The following ATP11B variants were observed in gnomAD, a reference collection of about 807,000 sequenced individuals.
ATP11B encodes ATPase phospholipid transporting 11B (putative).
Under a neutral mutation model 157.8 loss-of-function variants are expected in ATP11B, and 81 were observed. The ratio of observed to expected loss-of-function variants is 0.51; its 90% confidence interval spans 0.43 to 0.62. The LOEUF (loss-of-function observed/expected upper bound fraction) is 0.62, where lower values mean the gene tolerates loss of function less well. Ranked by LOEUF, ATP11B falls within the 20% of genes least tolerant of loss-of-function variation. ATP11B has a pLI of 0.00. For missense variants in ATP11B, 1,165 were observed against 1,402.2 expected, an observed-to-expected ratio of 0.83 and a Z score of 2.70; for synonymous variants, 451 against 469.4, an observed-to-expected ratio of 0.96 and a Z score of 0.51.
At chr3:182,795,724 A>G (rs1244067269) in intron 1 of ATP11B, among the ~76,000 whole-genome samples, 6 of 152,234 alleles carry the variant, frequency 3.9e-5, no homozygotes, top group African/African-American at 1.4e-4. Flanking sequence ...CACATAAATT[A>G]AACATCAAGG....
intron 28 of ATP11B, among the ~76,000 whole-genome samples, chr3:182,911,856 G>A (rs1481254378): frequency 6.6e-6 from 1 of 152,202 alleles, no homozygotes; most frequent in East Asian, 1.9e-4. Context: ...CATAGTTGGA[G>A]AGGTGAGGGA....
chr3:182,848,631 A>T, intron 10 of ATP11B, 74 bp downstream of exon 10: 1 of 546,446 alleles, frequency 1.8e-6, no homozygotes, highest in Non-Finnish European at 2.6e-6. Flanking sequence ...ATAAAATATT[A>T]TATATATAAT....
chr3:182,802,002 A>G (rs1375501726), intron 1 of ATP11B, among the ~76,000 whole-genome samples: 4 of 152,216 alleles, frequency 2.6e-5, no homozygotes, highest in Non-Finnish European at 4.4e-5. Flanking sequence ...ACATGAATCA[A>G]AAAATGCTTT....
At chr3:182,879,744 T>G in intron 20 of ATP11B, 95 bp downstream of exon 20, 1 of 1,153,474 alleles carries the variant, frequency 8.7e-7, no homozygotes, top group African/African-American at 1.6e-5. Flanking sequence ...TTTGGTGATG[T>G]GCAATATATA....
At chr3:182,909,884 T>A (rs1724648092) in intron 28 of ATP11B, among the ~76,000 whole-genome samples, 1 of 151,698 alleles carries the variant, frequency 6.6e-6, no homozygotes, top group Admixed American at 6.6e-5. Flanking sequence ...GGCAACATGG[T>A]GAAACTTCAT....
chr3:182,872,405 A>T lies in ATP11B; in HGVS notation c.1916A>T (p.Glu639Val), dbSNP rs747752279. The stretch of plus-strand genomic sequence containing the variant: ...GCATATAGAAAATTTACATCAAAAG[A>T]GTATGAGGAAATAGATAAACGCATA... ...CIAYRKFTSK[E>V]YEEIDKRIFE... Residue 639 changes from glutamate to valine, a missense_variant, in exon 18 of 30, where the codon GAG (glutamate) becomes GTG (valine). This residue lies in a region of ATP11B where 737 missense variants were observed against 930.5 expected (regional missense o/e 0.79). Transcript: ENST00000323116. 1.2e-6 allele frequency: 2 copies of T among 1,613,924 alleles called. No individual in the cohort carries two copies. Among genetic ancestry groups the T allele is most frequent in the East Asian group, 2.2e-5 (1 of 44,876 alleles).
chr3:182,828,245 T>C (rs748380677), intron 3 of ATP11B, 36 bp downstream of exon 3: 2 of 1,008,974 alleles, frequency 2.0e-6, no homozygotes, highest in African/African-American at 1.7e-5. Context: ...TTTGTAAACA[T>C]AGTTTCTAAA....
At chr3:182,914,582 T>G (rs1398609456) in intron 29 of ATP11B, 1 of 985,174 alleles carries the variant, frequency 1.0e-6, no homozygotes, top group East Asian at 1.1e-4. Flanking sequence ...ATTTATTGCC[T>G]AATTAAAAGT....
intron 11 of ATP11B, among the ~76,000 whole-genome samples, chr3:182,858,429 GAAGT>G (rs1560092198): frequency 6.6e-6 from 1 of 152,146 alleles, no homozygotes; most frequent in Non-Finnish European, 1.5e-5. Flanking sequence ...GTCTTAATAT[GAAGT>G]AATATGCAAA....
Position 182,889,319 on chromosome 3 carries a change from CTTG to C in ATP11B, c.2844-88_2844-86del, listed in dbSNP as rs1449486153. On this transcript the variant is annotated intron_variant, in intron 24 of 29. Coordinates refer to ENST00000323116, the MANE Select transcript of ATP11B (RefSeq NM_014616.3). ...AAGCAATTTTAAATTAAAAATCTAT[CTTG>C]TTTTTTAATTATCATATTATATTAA... 2.0e-5 allele frequency: 18 copies of C among 917,698 alleles called. No individual in the cohort carries two copies. The African/African-American group carries it at 3.2e-4, about 16-fold the overall frequency. The allele number at this position is 917,698 out of a possible 1,614,324, so 56.8% of individuals were successfully genotyped here.
chr3:182,847,433 A>G (rs565166508), intron 9 of ATP11B, among the ~76,000 whole-genome samples: 1 of 152,294 alleles, frequency 6.6e-6, no homozygotes, highest in Non-Finnish European at 1.5e-5. Flanking sequence ...TTAAAAGAAA[A>G]TGTGAATTTG....
At position 182,887,673 on chromosome 3, in the gene ATP11B, G is replaced by A. The variant is rs1722888186; in HGVS notation, c.2803G>A (p.Val935Ile). ...ILIYSLLEQH[V>I]DPHVLQNKPT... ...GATATATAGTCTTTTGGAACAGCATGTAGACCCTCATGTGTTACAAAATAA... is the reference window on the plus strand; with the variant it reads ...GATATATAGTCTTTTGGAACAGCATATAGACCCTCATGTGTTACAAAATAA... Residue 935 changes from valine to isoleucine, a missense_variant, in exon 24 of 30, where the codon GTA (valine) becomes ATA (isoleucine). Physicochemically the swap from Val to Ile is conservative, Grantham distance 29. Coordinates refer to ENST00000323116, the MANE Select transcript of ATP11B (RefSeq NM_014616.3). The A allele has an allele frequency of 1.2e-6, 2 of 1,612,682 alleles. No individual in the cohort carries two copies. Among genetic ancestry groups the A allele is most frequent in the South Asian group, 1.1e-5 (1 of 90,844 alleles).
At chr3:182,860,640 C>A (rs1444520385) in intron 12 of ATP11B, among the ~76,000 whole-genome samples, 2 of 152,128 alleles carry the variant, frequency 1.3e-5, no homozygotes, top group Non-Finnish European at 2.9e-5. Flanking sequence ...TGTCCTACCA[C>A]TTATATTGAC....
chr3:182,886,043 G>A, intron 23 of ATP11B, 33 bp downstream of exon 23: 2 of 1,402,460 alleles, frequency 1.4e-6, no homozygotes, highest in South Asian at 3.2e-5. Flanking sequence ...TTTGTGTTTT[G>A]TCCTTTTAGA....
At chr3:182,846,394 G>C (rs541131881) in intron 9 of ATP11B, among the ~76,000 whole-genome samples, 6 of 150,262 alleles carry the variant, frequency 4.0e-5, no homozygotes, top group East Asian at 1.9e-4. Context: ...CGTTGCAGCT[G>C]CTGCCTTGAA....
At chr3:182,881,030 G>A in intron 21 of ATP11B, 49 bp downstream of exon 21, 1 of 1,357,180 alleles carries the variant, frequency 7.4e-7, no homozygotes. Context: ...AAAGTTGGTG[G>A]TATTATTTGG....
intron 1 of ATP11B, among the ~76,000 whole-genome samples, chr3:182,813,616 T>C (rs1716799837): frequency 6.6e-6 from 1 of 152,332 alleles, no homozygotes; most frequent in Non-Finnish European, 1.5e-5. Flanking sequence ...GCCCCTCTTA[T>C]ACTAGTAATG....
chr3:182,829,855 A>C, intron 4 of ATP11B, 103 bp downstream of exon 4: 1 of 1,412,198 alleles, frequency 7.1e-7, no homozygotes, highest in Non-Finnish European at 9.4e-7. Flanking sequence ...TAATTTCCAT[A>C]AGAAAGCAGC....
rs1476695021 is a variant in ATP11B at position 182,865,446 on chromosome 3, A to G, written c.1201-10A>G. The G allele has an allele frequency of 1.2e-5, 20 of 1,608,332 alleles. No homozygotes were observed. Among genetic ancestry groups the G allele is most frequent in the African/African-American group, 8.0e-5 (6 of 74,536 alleles). On this transcript the variant is annotated splice_polypyrimidine_tract_variant and intron_variant, in intron 12 of 29. Coordinates refer to ENST00000323116, the MANE Select transcript of ATP11B (RefSeq NM_014616.3). ...AAAGGTTTATTTTCTTTTGTTTTCT[A>G]TCTCTATAGGTAGAGTACGTGTTTA...
Sources: allele counts gnomAD v4.1 joint callset (sites outside exome capture counted in the v4.1 genomes callset), GRCh38; gene constraint gnomAD v4.1.1; regional missense constraint gnomAD v4.1.1; transcripts MANE v1.5; gene names NCBI Gene and HGNC (gene_info 2026-07-23, HGNC 2026-07-21).